ASAP1: variants seen among roughly 807,000 people sequenced by gnomAD.
ASAP1 encodes the protein arf-GAP with SH3 domain, ANK repeat and PH domain-containing protein 1.
ASAP1 carries 43 observed loss-of-function variants against 145.2 expected under a neutral mutation model. The ratio of observed to expected loss-of-function variants is 0.30; its 90% CI spans 0.23 to 0.38. ASAP1 has a LOEUF of 0.38. Ranked by LOEUF, ASAP1 falls within the 10% of genes least tolerant of loss-of-function variation. The pLI, the probability that ASAP1 is intolerant of heterozygous loss-of-function variation, is 1.00. For synonymous variants in ASAP1, 546 were observed against 515.5 expected (o/e 1.06, Z -0.80); for missense variants, 1,018 against 1,355.3 (o/e 0.75, Z 3.91).
rs137993453 is a variant in ASAP1 at position 130,244,153 on chromosome 8, G to C, written c.187-7159C>G. On this transcript the variant is annotated intron_variant, in intron 3 of 29. Coordinates refer to ENST00000518721, the MANE Select transcript of ASAP1 (RefSeq NM_018482.4). ...ACTAAAAGGCCCCAACAGGTAGCATGGTATCAGACCTATTAGAGCACTCAG... is the reference window on the plus strand; with the variant it reads ...ACTAAAAGGCCCCAACAGGTAGCATCGTATCAGACCTATTAGAGCACTCAG... Among the ~76,000 whole-genome samples, 15 of 152,238 alleles carry C rather than the reference G, an allele frequency of 9.9e-5. 1 individual carries two copies. The South Asian group carries it at 2.9e-3, about 29-fold the overall frequency.
intron 2 of ASAP1, among the ~76,000 whole-genome samples, chr8:130,384,618 A>G (rs1339180592): frequency 6.6e-6 from 1 of 152,146 alleles, no homozygotes; most frequent in Non-Finnish European, 1.5e-5. Flanking sequence ...AGCTGGGATT[A>G]CACAGGCGCC....
chr8:130,099,244 T>C (rs1228657991), intron 24 of ASAP1, among the ~76,000 whole-genome samples: 2 of 151,702 alleles, frequency 1.3e-5, no homozygotes, highest in African/African-American at 4.8e-5. Flanking sequence ...AGTGGCGAGA[T>C]CTCGGCTCAC....
intron 5 of ASAP1, among the ~76,000 whole-genome samples, chr8:130,205,170 T>G (rs886264698): frequency 2.8e-4 from 43 of 152,080 alleles, no homozygotes; most frequent in Admixed American, 1.2e-3. Flanking sequence ...CCACTCTCCC[T>G]TTTCCTTCTT....
intron 3 of ASAP1, among the ~76,000 whole-genome samples, chr8:130,248,599 G>A (rs1308410922): frequency 1.3e-5 from 2 of 152,132 alleles, no homozygotes; most frequent in East Asian, 1.9e-4. Flanking sequence ...GACGTGATTA[G>A]CTCTGACCTT....
intron 7 of ASAP1, among the ~76,000 whole-genome samples, chr8:130,184,966 T>C (rs1814618939): frequency 6.6e-6 from 1 of 152,228 alleles, no homozygotes; most frequent in Non-Finnish European, 1.5e-5. Flanking sequence ...TCTAAGTCTG[T>C]GATCTAAATC....
intron 3 of ASAP1, among the ~76,000 whole-genome samples, chr8:130,257,513 A>C (rs1351825967): frequency 6.6e-6 from 1 of 152,186 alleles, no homozygotes; most frequent in Non-Finnish European, 1.5e-5. Flanking sequence ...GTTAAAAAAA[A>C]CAGGATTTAG....
chr8:130,155,920 C>T (rs1361657999), intron 12 of ASAP1, among the ~76,000 whole-genome samples: 2 of 152,208 alleles, frequency 1.3e-5, no homozygotes, highest in African/African-American at 4.8e-5. Flanking sequence ...ATAATTCCAA[C>T]TTTGATGCCA....
chr8:130,121,419 G>GT (rs1309718377), intron 18 of ASAP1, among the ~76,000 whole-genome samples: 1 of 152,152 alleles, frequency 6.6e-6, no homozygotes, highest in African/African-American at 2.4e-5. Context: ...TGACAACTGA[G>GT]TATCTCCAGA....
chr8:130,069,667 T>C (rs1372611147), intron 27 of ASAP1: 1 of 152,214 alleles, frequency 6.6e-6, no homozygotes, highest in Non-Finnish European at 1.5e-5. Context: ...AAGATCTTAA[T>C]ACAACATTAT....
chr8:130,343,216 T>TA, intron 3 of ASAP1, among the ~76,000 whole-genome samples: 1 of 152,246 alleles, frequency 6.6e-6, no homozygotes. Flanking sequence ...ATTTCCATGG[T>TA]AAGCAGGAAT....
At chr8:130,422,867 T>C (rs371669129) in intron 1 of ASAP1, among the ~76,000 whole-genome samples, 1 of 152,236 alleles carries the variant, frequency 6.6e-6, no homozygotes, top group African/African-American at 2.4e-5. Context: ...TGCCTTCTAT[T>C]ATTCTTAACA....
chr8:130,060,544 A>G lies in ASAP1; in HGVS notation c.3192+35T>C, dbSNP rs185490491. 1.1e-3 allele frequency: 1,641 copies of G among 1,560,524 alleles called. 23 individuals carry two copies. In the Admixed American group the frequency reaches 0.024, roughly 22 times the overall value. On this transcript the variant is annotated intron_variant, in intron 28 of 29. Coordinates refer to ENST00000518721, the MANE Select transcript of ASAP1 (RefSeq NM_018482.4). ...CCCACCAACTTGCAAAGTGCGGAAT[A>G]GGGTTCCTAAGGGCCTGAACATTGT...
intron 7 of ASAP1, among the ~76,000 whole-genome samples, chr8:130,184,998 A>G (rs1259508033): frequency 2.0e-5 from 3 of 152,246 alleles, no homozygotes; most frequent in African/African-American, 7.2e-5. Context: ...CACTGCCTCC[A>G]GAGTTCCAAA....
At chr8:130,220,835 G>A (rs566022604) in intron 4 of ASAP1, among the ~76,000 whole-genome samples, 22 of 152,226 alleles carry the variant, frequency 1.4e-4, no homozygotes, top group Admixed American at 1.4e-3. Flanking sequence ...ACATGGTAAC[G>A]GCAAGGAGAA....
intron 3 of ASAP1, among the ~76,000 whole-genome samples, chr8:130,271,397 T>C (rs964201346): frequency 6.6e-6 from 1 of 152,226 alleles, no homozygotes; most frequent in African/African-American, 2.4e-5. Flanking sequence ...TTCCAAGGAA[T>C]TTGTTTTTCT....
intron 3 of ASAP1, among the ~76,000 whole-genome samples, chr8:130,255,821 AC>A (rs1262206347): frequency 6.6e-6 from 1 of 152,184 alleles, no homozygotes; most frequent in Admixed American, 6.6e-5. Context: ...CAGAAATGTC[AC>A]AAAAATCTAA....
At chr8:130,204,013 C>T (rs918902580) in intron 5 of ASAP1, among the ~76,000 whole-genome samples, 1 of 152,142 alleles carries the variant, frequency 6.6e-6, no homozygotes, top group African/African-American at 2.4e-5. Flanking sequence ...GGAGGTACAG[C>T]ATACTCTAGA....
chr8:130,196,854 T>G, intron 5 of ASAP1, among the ~76,000 whole-genome samples: 1 of 152,246 alleles, frequency 6.6e-6, no homozygotes, highest in South Asian at 2.1e-4. Context: ...CTGTCTAGTA[T>G]ATTAACTCCT....
chr8:130,287,685 C>A (rs1388909952), intron 3 of ASAP1, among the ~76,000 whole-genome samples: 1 of 152,236 alleles, frequency 6.6e-6, no homozygotes, highest in Non-Finnish European at 1.5e-5. Flanking sequence ...CCCTATCTCA[C>A]AAGTTTGGGT....
Sources: allele counts gnomAD v4.1 joint callset (sites outside exome capture counted in the v4.1 genomes callset), GRCh38; gene constraint gnomAD v4.1.1; transcripts MANE v1.5; gene names NCBI Gene and HGNC (gene_info 2026-07-23, HGNC 2026-07-21).